The following FBXL17 variants were observed in gnomAD, a reference collection of about 807,000 sequenced individuals.
FBXL17 encodes the protein F-box and leucine rich repeat protein 17, also known as F-box/LRR-repeat protein 17.
FBXL17 carries 22 observed loss-of-function variants against 66.2 expected under a neutral mutation model. The ratio of observed to expected loss-of-function variants is 0.33; its 90% CI spans 0.24 to 0.47. FBXL17 has a LOEUF of 0.47. Ranked by LOEUF, FBXL17 falls within the 20% of genes least tolerant of loss-of-function variation. The pLI is 1.00. For synonymous variants in FBXL17, 474 were observed against 400.5 expected (o/e 1.18, Z -2.19); for missense variants, 878 against 948.2 (o/e 0.93, Z 0.97).
At chr5:107,900,032 A>C (rs1301687336) in intron 7 of FBXL17, among the ~76,000 whole-genome samples, 1 of 152,196 alleles carries the variant, frequency 6.6e-6, no homozygotes, top group Non-Finnish European at 1.5e-5. Context: ...CCTTTATAAC[A>C]TATTTGAAAC....
intron 7 of FBXL17, among the ~76,000 whole-genome samples, chr5:107,993,165 G>T (rs1753327508): frequency 6.6e-6 from 1 of 152,122 alleles, no homozygotes; most frequent in African/African-American, 2.4e-5. Context: ...AAAGTGCTGG[G>T]ATTACAGGCG....
chr5:108,222,864 G>A (rs1437340869), intron 5 of FBXL17, among the ~76,000 whole-genome samples: 1 of 151,700 alleles, frequency 6.6e-6, no homozygotes, highest in Non-Finnish European at 1.5e-5. Flanking sequence ...AGTAGAGATG[G>A]AGTTTCACCA....
intron 7 of FBXL17, among the ~76,000 whole-genome samples, chr5:107,992,224 A>G (rs1390104901): frequency 2.0e-5 from 3 of 152,168 alleles, no homozygotes; most frequent in African/African-American, 7.2e-5. Context: ...CTCTCTTTAC[A>G]GAGTTTAATG....
intron 4 of FBXL17, among the ~76,000 whole-genome samples, chr5:108,245,617 G>C (rs1756060186): frequency 6.6e-6 from 1 of 152,122 alleles, no homozygotes; most frequent in South Asian, 2.1e-4. Context: ...AAGTAAGATG[G>C]AGAATCCACC....
chr5:107,930,811 T>C (rs1328792918), intron 7 of FBXL17, among the ~76,000 whole-genome samples: 1 of 152,230 alleles, frequency 6.6e-6, no homozygotes, highest in Non-Finnish European at 1.5e-5. Flanking sequence ...AGGTGACTGA[T>C]TTATTGGAAT....
At position 108,364,902 on chromosome 5, in the gene FBXL17, C is replaced by T. The variant is rs1038834095; in HGVS notation, c.1210G>A (p.Val404Ile). 1.1e-5 allele frequency: 17 copies of T among 1,612,800 alleles called. No individual in the cohort carries two copies. Among genetic ancestry groups the T allele is most frequent in the East Asian group, 4.5e-5 (2 of 44,840 alleles). Reference protein sequence around the residue: ...SDCRSMSDNGVCVLAFKCPGL... With the variant: ...SDCRSMSDNGICVLAFKCPGL... Reference sequence around the variant, plus strand: ...GGACATTTAAATGCTAAAACACATACGCCATTATCAGACATACTGCGACAA... The same window carrying T: ...GGACATTTAAATGCTAAAACACATATGCCATTATCAGACATACTGCGACAA... Residue 404 changes from valine to isoleucine, a missense_variant, in exon 3 of 9, where the codon GTA (valine) becomes ATA (isoleucine). Transcript: ENST00000542267.
intron 7 of FBXL17, among the ~76,000 whole-genome samples, chr5:107,918,033 G>A (rs1294431862): frequency 1.3e-5 from 2 of 152,140 alleles, no homozygotes; most frequent in African/African-American, 4.8e-5. Context: ...CTCAGTGAAG[G>A]TCTCCTTCTA....
chr5:107,973,226 TCAGC>T (rs1370233282), intron 7 of FBXL17, among the ~76,000 whole-genome samples: 5 of 152,208 alleles, frequency 3.3e-5, no homozygotes, highest in African/African-American at 1.2e-4. Context: ...GCTAGCCTTT[TCAGC>T]CTTGTTTTAG....
intron 4 of FBXL17, among the ~76,000 whole-genome samples, chr5:108,291,227 T>C (rs2150162411): frequency 6.6e-6 from 1 of 152,294 alleles, no homozygotes; most frequent in African/African-American, 2.4e-5. Context: ...CTGTCAACTC[T>C]CAACTGCTCA....
chr5:108,107,761 G>C (rs561149637), intron 6 of FBXL17, among the ~76,000 whole-genome samples: 70 of 146,424 alleles, frequency 4.8e-4, no homozygotes, highest in African/African-American at 1.6e-3. Context: ...GCAGTGAGCT[G>C]AGATGGCACC....
chr5:108,042,293 A>G (rs2112805855), intron 6 of FBXL17, among the ~76,000 whole-genome samples: 1 of 152,328 alleles, frequency 6.6e-6, no homozygotes, highest in East Asian at 1.9e-4. Flanking sequence ...AGTTTCCACC[A>G]TCTTGCAAAA....
intron 7 of FBXL17, among the ~76,000 whole-genome samples, chr5:107,993,863 C>T (rs1450377498): frequency 6.6e-6 from 1 of 152,214 alleles, no homozygotes; most frequent in East Asian, 1.9e-4. Flanking sequence ...CCACAGCTAA[C>T]CAATTTTTGA....
chr5:108,357,917 C>G (rs758429023), intron 3 of FBXL17, among the ~76,000 whole-genome samples: 21 of 151,898 alleles, frequency 1.4e-4, no homozygotes, highest in Admixed American at 7.2e-4. Context: ...CCAGCAAAAG[C>G]AGTGTTTAAA....
chr5:107,934,535 C>T (rs1431013689), intron 7 of FBXL17, among the ~76,000 whole-genome samples: 2 of 152,112 alleles, frequency 1.3e-5, no homozygotes, highest in African/African-American at 2.4e-5. Flanking sequence ...ACTAGAAGTA[C>T]ACTCCCAACT....
intron 6 of FBXL17, among the ~76,000 whole-genome samples, chr5:108,155,428 TCA>T (rs910009291): frequency 1.1e-4 from 17 of 152,020 alleles, no homozygotes; most frequent in African/African-American, 4.1e-4. Context: ...GGCAGGAGAA[TCA>T]CTGGAACCCA....
chr5:108,239,956 G>A (rs1755780472), intron 4 of FBXL17, among the ~76,000 whole-genome samples: 1 of 152,120 alleles, frequency 6.6e-6, no homozygotes, highest in East Asian at 1.9e-4. Context: ...TACACCCTCA[G>A]CGAGAAAAGA....
intron 6 of FBXL17, among the ~76,000 whole-genome samples, chr5:108,046,002 G>A (rs1747240993): frequency 6.6e-6 from 1 of 152,192 alleles, no homozygotes; most frequent in Admixed American, 6.5e-5. Flanking sequence ...GAGATCATTT[G>A]TTTCCTTGCT....
chr5:108,026,891 A>C (rs1016515981), intron 6 of FBXL17, among the ~76,000 whole-genome samples: 4 of 152,172 alleles, frequency 2.6e-5, no homozygotes, highest in African/African-American at 9.6e-5. Flanking sequence ...ACAAACTGAA[A>C]TGTTATTAAA....
rs143145847 is a variant in FBXL17 at position 107,946,455 on chromosome 5, A to AATTATTATTATTATT, written c.1823-65291_1823-65277dup. ...ACAGGTGTGTGCCACCACACCTGCC[A>AATTATTATTATTATT]ATTATTATTATTATTATTATTATTA... is the stretch of plus-strand genomic sequence containing the variant. On this transcript the variant is annotated intron_variant, in intron 7 of 8. Coordinates refer to ENST00000542267, the MANE Select transcript of FBXL17 (RefSeq NM_001163315.3). Among the ~76,000 whole-genome samples, 727 of 140,314 alleles carry AATTATTATTATTATT rather than the reference A, an allele frequency of 5.2e-3. 7 individuals carry two copies. Among genetic ancestry groups the AATTATTATTATTATT allele is most frequent in the African/African-American group, 0.016 (616 of 38,638 alleles). The allele number at this position is 140,314 out of a possible 152,430, so 92.1% of individuals were successfully genotyped here. A position where few individuals can be genotyped will look rare whatever the true frequency, so the allele number is the denominator to read the frequency against.
Sources: gnomAD v4.1 joint callset for allele counts (sites outside exome capture counted in the v4.1 genomes callset) on GRCh38, gnomAD v4.1.1 for gene constraint, MANE v1.5 for transcripts, NCBI Gene and HGNC (gene_info 2026-07-23, HGNC 2026-07-21) for gene names.